The following WASF1 variants were observed in gnomAD, a reference collection of about 807,000 sequenced individuals.
The protein encoded by WASF1 is WASP family member 1.
WASF1 carries 7 observed loss-of-function variants against 50.5 expected under a neutral mutation model. The ratio of observed to expected loss-of-function variants is 0.14; its 90% CI spans 0.08 to 0.26. The LOEUF (loss-of-function observed/expected upper bound fraction) is 0.26, where lower values mean the gene tolerates loss of function less well. Among genes scored for constraint, WASF1 ranks in the 10% least tolerant of loss-of-function variants. WASF1 has a pLI of 1.00. For missense variants in WASF1, 470 were observed against 694.7 expected (o/e 0.68, Z 3.64); for synonymous variants, 205 against 244.0 (o/e 0.84, Z 1.49).
At chr6:110,120,700 T>C (rs1281083057) in intron 4 of WASF1, among the ~76,000 whole-genome samples, 2 of 152,090 alleles carry the variant, frequency 1.3e-5, no homozygotes, top group Non-Finnish European at 2.9e-5. Flanking sequence ...AAAGTTCATA[T>C]GGAACAAAAA....
At chr6:110,158,546 G>A (rs988482572) in intron 3 of WASF1, among the ~76,000 whole-genome samples, 9 of 130,600 alleles carry the variant, frequency 6.9e-5, no homozygotes, top group South Asian at 2.5e-4. Flanking sequence ...GATCCTATTC[G>A]GCCATCTTGG....
intron 2 of WASF1, among the ~76,000 whole-genome samples, chr6:110,175,007 CAAG>C (rs1164283053): frequency 6.6e-6 from 1 of 152,088 alleles, no homozygotes; most frequent in Non-Finnish European, 1.5e-5. Context: ...AAACTGTCCT[CAAG>C]GAGTTCACAG....
intron 4 of WASF1, among the ~76,000 whole-genome samples, chr6:110,115,003 G>A (rs571395301): frequency 2.0e-5 from 3 of 151,332 alleles, no homozygotes; most frequent in African/African-American, 7.3e-5. Context: ...GAGGCAGGAG[G>A]ATCACTTGAG....
intron 3 of WASF1, among the ~76,000 whole-genome samples, chr6:110,131,085 T>C (rs547235418): frequency 5.9e-5 from 9 of 152,350 alleles, no homozygotes; most frequent in East Asian, 1.9e-4. Context: ...TTGAAGGTTA[T>C]AGGTGATGGG....
In WASF1 at chr6:110,140,644, CG is replaced by C. The variant is rs537779050; in HGVS notation, c.-28-13016del. On this transcript the variant is annotated intron_variant, in intron 3 of 10. Coordinates refer to ENST00000392589, the MANE Select transcript of WASF1 (RefSeq NM_003931.3). ...AAGAATTAATTGCTTGCTTGGTGTG[CG>C]GGGAAAAACCCCACACAACTGATCA... Among the ~76,000 whole-genome samples the C allele has an allele frequency of 7.4e-4, 113 of 152,220 alleles. 3 individuals are homozygous for C. In the South Asian group the frequency reaches 0.023, roughly 31 times the overall value.
At chr6:110,146,928 G>T (rs1395488149) in intron 3 of WASF1, among the ~76,000 whole-genome samples, 1 of 152,018 alleles carries the variant, frequency 6.6e-6, no homozygotes. Context: ...GTACTCACAG[G>T]ACTAAAGAAC....
At chr6:110,105,779 T>C (rs891943449) in intron 7 of WASF1, among the ~76,000 whole-genome samples, 200 bp from the exon 8 acceptor site, 2 of 152,236 alleles carry the variant, frequency 1.3e-5, no homozygotes, top group Non-Finnish European at 1.5e-5. Context: ...TTTCCTGCCA[T>C]GTTTTGTTTA....
chr6:110,166,821 C>T (rs1776497196), intron 2 of WASF1, among the ~76,000 whole-genome samples: 1 of 151,804 alleles, frequency 6.6e-6, no homozygotes. Context: ...TTATGAGGAT[C>T]AAATAAGATA....
intron 5 of WASF1, among the ~76,000 whole-genome samples, chr6:110,109,731 TTTA>T (rs1773476918): frequency 6.6e-6 from 1 of 151,704 alleles, no homozygotes; most frequent in African/African-American, 2.4e-5. Flanking sequence ...TTTTTTTTTT[TTTA>T]AATTTTTAGT....
At chr6:110,149,963 A>G (rs1259364744) in intron 3 of WASF1, among the ~76,000 whole-genome samples, 1 of 152,140 alleles carries the variant, frequency 6.6e-6, no homozygotes, top group Non-Finnish European at 1.5e-5. Flanking sequence ...CCTGAGCTCA[A>G]GCAATCCTCC....
chr6:110,179,011 C>T (rs945781253), intron 1 of WASF1, among the ~76,000 whole-genome samples: 7 of 152,264 alleles, frequency 4.6e-5, no homozygotes, highest in African/African-American at 9.6e-5. Context: ...AACGCACGAG[C>T]TCGCTTTACC....
Position 110,159,549 on chromosome 6 carries a change from T to C in WASF1, c.-29+1086A>G, listed in dbSNP as rs142386855. ...CCAACTGACACCAGACGGTACCTGT[T>C]GGAGCCTAATGCCGGGCTATGGCCA... is the stretch of plus-strand genomic sequence containing the variant. On this transcript the variant is annotated intron_variant, in intron 3 of 10. Transcript: ENST00000392589. 7.2e-3 allele frequency among the ~76,000 whole-genome samples: 1,087 copies of C among 151,996 alleles called. 19 individuals carry two copies. Among genetic ancestry groups the C allele is most frequent in the African/African-American group, 0.025 (1,046 of 41,522 alleles).
At chr6:110,103,693 GTAT>G in intron 8 of WASF1, 136 bp from the exon 9 acceptor site, 1 of 784,596 alleles carries the variant, frequency 1.3e-6, no homozygotes, top group Non-Finnish European at 1.9e-6. Flanking sequence ...TTTCAGAAAT[GTAT>G]TATATTAATC....
intron 2 of WASF1, among the ~76,000 whole-genome samples, chr6:110,174,697 C>G (rs751513101): frequency 6.6e-6 from 1 of 152,158 alleles, no homozygotes; most frequent in Non-Finnish European, 1.5e-5. Flanking sequence ...TATACAGAAT[C>G]TTGTACATCT....
chr6:110,104,478 C>T (rs1448981499), intron 8 of WASF1, among the ~76,000 whole-genome samples: 3 of 152,090 alleles, frequency 2.0e-5, no homozygotes, highest in African/African-American at 7.2e-5. Context: ...AAACCTTAAG[C>T]TCTTTTCCAT....
intron 2 of WASF1, among the ~76,000 whole-genome samples, chr6:110,161,695 A>G (rs1487193579): frequency 1.6e-4 from 25 of 151,534 alleles, no homozygotes; most frequent in Admixed American, 1.6e-3. Context: ...AACTGGGGAG[A>G]AATTATACCT....
intron 4 of WASF1, among the ~76,000 whole-genome samples, chr6:110,116,612 A>G (rs1030641429): frequency 2.0e-5 from 3 of 152,196 alleles, no homozygotes; most frequent in Non-Finnish European, 1.5e-5. Flanking sequence ...TAGAACAAAA[A>G]GCAGCAGACA....
intron 3 of WASF1, among the ~76,000 whole-genome samples, chr6:110,150,642 G>C (rs1775780368): frequency 6.6e-6 from 1 of 152,138 alleles, no homozygotes; most frequent in Admixed American, 6.5e-5. Context: ...ACACTTGCTT[G>C]AAAGGAAAAC....
At chr6:110,139,200 G>A (rs894175376) in intron 3 of WASF1, among the ~76,000 whole-genome samples, 17 of 152,208 alleles carry the variant, frequency 1.1e-4, no homozygotes, top group African/African-American at 3.1e-4. Context: ...TGCCGGGATC[G>A]GGGAGAGACC....
Sources: allele counts gnomAD v4.1 joint callset (sites outside exome capture counted in the v4.1 genomes callset), GRCh38; gene constraint gnomAD v4.1.1; transcripts MANE v1.5; gene names NCBI Gene and HGNC (gene_info 2026-07-23, HGNC 2026-07-21).